Variants in BTBD9 observed in about 807,000 individuals in gnomAD.
BTBD9 encodes the protein BTB/POZ domain-containing protein 9.
A neutral mutation model predicts 64.3 loss-of-function variants in BTBD9; 49 were observed. That is an observed-to-expected ratio of 0.76 (90% CI 0.61 to 0.97). The LOEUF (loss-of-function observed/expected upper bound fraction) is 0.97, where lower values mean the gene tolerates loss of function less well. BTBD9 is among the 50% of genes least tolerant of loss of function. The pLI is 0.00. For missense variants in BTBD9, 598 were observed against 762.1 expected (o/e 0.78, Z 2.53); for synonymous variants, 260 against 274.7 (o/e 0.95, Z 0.53).
rs565085999 is a variant in BTBD9 at position 38,274,063 on chromosome 6, T to C, written c.1454+14209A>G. 2.4e-4 allele frequency among the ~76,000 whole-genome samples: 36 copies of C among 152,244 alleles called. 1 individual carries two copies. The highest frequency in any genetic ancestry group is 3.8e-4 in the Non-Finnish European group (26 of 68,044). On this transcript the variant is annotated intron_variant, in intron 8 of 10. Transcript: ENST00000481247. Reference sequence around the variant, plus strand: ...GTGAAGATGGATATAGGGGAAGGCATGAAGAAATGGTCGAAGGAAGAGGTC... The same window carrying C: ...GTGAAGATGGATATAGGGGAAGGCACGAAGAAATGGTCGAAGGAAGAGGTC...
chr6:38,571,473 AT>A (rs1775764268), intron 6 of BTBD9, among the ~76,000 whole-genome samples: 1 of 151,154 alleles, frequency 6.6e-6, no homozygotes, highest in Non-Finnish European at 1.5e-5. Flanking sequence ...AAAAAAAATT[AT>A]GCTGTATCTA....
intron 5 of BTBD9, 82 bp from the exon 6 acceptor site, chr6:38,577,801 G>A: frequency 7.9e-7 from 1 of 1,272,620 alleles, no homozygotes; most frequent in Non-Finnish European, 1.1e-6. Flanking sequence ...AGTGTTAAAA[G>A]GTACAAAAAA....
intron 9 of BTBD9, among the ~76,000 whole-genome samples, chr6:38,238,164 A>G (rs1763854997): frequency 6.6e-6 from 1 of 152,218 alleles, no homozygotes; most frequent in Admixed American, 6.5e-5. Flanking sequence ...TAAACAAAAA[A>G]TTTGAAGAAA....
intron 6 of BTBD9, among the ~76,000 whole-genome samples, chr6:38,440,536 A>G (rs963796342): frequency 3.3e-5 from 5 of 152,204 alleles, no homozygotes; most frequent in Non-Finnish European, 7.3e-5. Context: ...TAGGTTTCAG[A>G]AAGAACACAA....
chr6:38,335,979 C>T (rs927613059), intron 7 of BTBD9, among the ~76,000 whole-genome samples: 4 of 152,052 alleles, frequency 2.6e-5, no homozygotes, highest in Non-Finnish European at 4.4e-5. Flanking sequence ...AGGTGATCCA[C>T]CAAACCTCAG....
At position 38,168,857 on chromosome 6, in the gene BTBD9, C is replaced by G. The variant is rs1766629067; in HGVS notation, c.*6128G>C. ...AGCTCCAGGCCTAGCCCTGAGGACC[C>G]CTGGCCTCCTGGCGCCCCTCCAGAG... is the stretch of plus-strand genomic sequence containing the variant. On this transcript the variant is annotated 3_prime_UTR_variant, in exon 11 of 11. Coordinates refer to ENST00000481247, the MANE Select transcript of BTBD9 (RefSeq NM_001099272.2). The G allele has an allele frequency of 6.6e-6, 1 of 152,334 alleles. No homozygotes were observed. Among genetic ancestry groups the G allele is most frequent in the African/African-American group, 2.4e-5 (1 of 41,472 alleles). The allele number at this position is 152,334 out of a possible 1,614,324, so 9.4% of individuals were successfully genotyped here.
At chr6:38,216,838 C>T (rs185650654) in intron 9 of BTBD9, among the ~76,000 whole-genome samples, 62 of 152,254 alleles carry the variant, frequency 4.1e-4, no homozygotes, top group African/African-American at 1.4e-3. Flanking sequence ...CATTCTGATG[C>T]GCTATTCCAA....
At chr6:38,446,371 C>T (rs1388449402) in intron 6 of BTBD9, among the ~76,000 whole-genome samples, 1 of 151,950 alleles carries the variant, frequency 6.6e-6, no homozygotes, top group Non-Finnish European at 1.5e-5. Context: ...GAGAATAGCT[C>T]TCTGATGCAG....
At chr6:38,223,059 C>T (rs1230881868) in intron 9 of BTBD9, among the ~76,000 whole-genome samples, 2 of 152,170 alleles carry the variant, frequency 1.3e-5, no homozygotes, top group East Asian at 3.9e-4. Context: ...GTTCCTGCCA[C>T]CACGCCTGGC....
chr6:38,220,320 AC>A (rs1488461515), intron 9 of BTBD9, among the ~76,000 whole-genome samples: 1 of 152,244 alleles, frequency 6.6e-6, no homozygotes, highest in African/African-American at 2.4e-5. Context: ...ATGGGAGTTT[AC>A]TCTTGGCTTT....
intron 6 of BTBD9, among the ~76,000 whole-genome samples, chr6:38,353,890 T>C (rs901691560): frequency 6.6e-6 from 1 of 152,198 alleles, no homozygotes. Flanking sequence ...GCCTGCTACT[T>C]AGTGTCAGGG....
chr6:38,307,312 G>A (rs1011453713), intron 7 of BTBD9, among the ~76,000 whole-genome samples: 1 of 152,180 alleles, frequency 6.6e-6, no homozygotes, highest in Non-Finnish European at 1.5e-5. Flanking sequence ...CTGTAAAAAT[G>A]TATTCTACAA....
intron 6 of BTBD9, among the ~76,000 whole-genome samples, chr6:38,358,332 T>C (rs1327958417): frequency 6.6e-6 from 1 of 152,126 alleles, no homozygotes; most frequent in Non-Finnish European, 1.5e-5. Context: ...TTGCTTCAGA[T>C]AACAGCTGCT....
intron 6 of BTBD9, among the ~76,000 whole-genome samples, chr6:38,479,920 G>A (rs762441302): frequency 6.8e-4 from 104 of 151,966 alleles, no homozygotes; most frequent in Non-Finnish European, 1.4e-3. Flanking sequence ...GTAGAGAAAG[G>A]GTTCCGTCAT....
At chr6:38,179,982 AT>A in intron 10 of BTBD9, 1 of 388,172 alleles carries the variant, frequency 2.6e-6, no homozygotes, top group Non-Finnish European at 5.2e-6. Flanking sequence ...CCTGTCTGTA[AT>A]TCACTCTGGT....
Position 38,577,709 on chromosome 6 carries a change from A to T in BTBD9, c.1045T>A (p.Tyr349Asn), listed in dbSNP as rs1403359905. The T allele has an allele frequency of 1.2e-6, 2 of 1,608,482 alleles. No homozygotes were observed. Among genetic ancestry groups the T allele is most frequent in the Non-Finnish European group, 1.7e-6 (2 of 1,179,298 alleles). Residue 349 changes from tyrosine to asparagine, a missense_variant, in exon 6 of 11, where the codon TAC becomes AAC. Transcript: ENST00000481247. ...TCATCCATTGACACTTCAATGAAGT[A>T]TGAGTAAGACCTGTGAATCAAAAGG... ...LWDRDSRSYSYFIEVSMDELD... is the reference protein window; with the variant it reads ...LWDRDSRSYSNFIEVSMDELD...
At chr6:38,371,167 C>T (rs998243620) in intron 6 of BTBD9, among the ~76,000 whole-genome samples, 1 of 152,136 alleles carries the variant, frequency 6.6e-6, no homozygotes, top group Admixed American at 6.5e-5. Context: ...TTGGCAGCCC[C>T]CCATTGCTTT....
chr6:38,459,134 G>A (rs185759626), intron 6 of BTBD9, among the ~76,000 whole-genome samples: 58 of 151,904 alleles, frequency 3.8e-4, no homozygotes, highest in Admixed American at 2.8e-3. Flanking sequence ...TTCTCCTGCC[G>A]CAGCCTTTCA....
At chr6:38,388,026 G>A (rs1766254534) in intron 6 of BTBD9, among the ~76,000 whole-genome samples, 2 of 152,060 alleles carry the variant, frequency 1.3e-5, no homozygotes, top group South Asian at 2.1e-4. Flanking sequence ...CACAGTCCCT[G>A]GGACTGTAGT....
Sources: gnomAD v4.1 joint callset for allele counts (sites outside exome capture counted in the v4.1 genomes callset) on GRCh38, gnomAD v4.1.1 for gene constraint, MANE v1.5 for transcripts, NCBI Gene and HGNC (gene_info 2026-07-23, HGNC 2026-07-21) for gene names.